Variants in DYNC1H1 observed in about 807,000 individuals in gnomAD.
The protein encoded by DYNC1H1 is cytoplasmic dynein 1 heavy chain 1.
A neutral mutation model predicts 527.1 loss-of-function variants in DYNC1H1; 51 were observed. The observed-to-expected ratio is 0.10, with a 90% CI of 0.08 to 0.12. The LOEUF is 0.12. Among genes scored for constraint, DYNC1H1 ranks in the 10% least tolerant of loss-of-function variants. DYNC1H1 has a pLI of 1.00. For synonymous variants in DYNC1H1, 2,189 were observed against 2,278.8 expected (o/e 0.96, Z 1.12); for missense variants, 2,771 against 5,971.8 (o/e 0.46, Z 17.66).
At chr14:101,974,954 A>C (rs774179822) in intron 1 of DYNC1H1, among the ~76,000 whole-genome samples, 8 of 152,226 alleles carry the variant, frequency 5.3e-5, no homozygotes, top group Non-Finnish European at 8.8e-5. Flanking sequence ...AACCCAGAAC[A>C]GACTCAGATA....
chr14:102,036,514 G>C lies in DYNC1H1; in HGVS notation c.10780G>C (p.Gly3594Arg). 6.2e-7 allele frequency: 1 copy of C among 1,613,844 alleles called. No homozygotes were observed. Among genetic ancestry groups the C allele is most frequent in the Non-Finnish European group, 8.5e-7 (1 of 1,179,956 alleles). The part of the protein sequence containing the change: ...NRYPLIIDPS[G>R]QATEFIMNEY... ...GTATCCGCTGATCATTGACCCCTCT[G>C]GACAGGCCACAGAATTCATTATGAA... Residue 3594 changes from glycine (G) to arginine (R), a missense_variant, in exon 57 of 78, where the codon GGA becomes CGA. Physicochemically the swap from Gly to Arg is moderately radical, Grantham distance 125 (BLOSUM62 -2). Coordinates refer to ENST00000360184, the MANE Select transcript of DYNC1H1 (RefSeq NM_001376.5). The surrounding 1 kb of genome is among the most constrained non-coding windows in gnomAD (Gnocchi z 5.6).
chr14:102,017,828 C>T lies in DYNC1H1; in HGVS notation c.8177+324C>T, dbSNP rs1031493747. On this transcript the variant is annotated intron_variant, in intron 40 of 77. Coordinates refer to ENST00000360184, the MANE Select transcript of DYNC1H1 (RefSeq NM_001376.5). The surrounding 1 kb of genome is among the most constrained non-coding windows in gnomAD (Gnocchi z 4.6). ...GAAAATACAAAAACAAAATTAAGGC[C>T]GGGCGTGGTGGCTTACGCCTGTAAT... 4.8e-5 allele frequency: 18 copies of T among 374,592 alleles called. No individual in the cohort carries two copies. Among genetic ancestry groups the T allele is most frequent in the East Asian group, 3.4e-4 (5 of 14,750 alleles). 23.2% of individuals were successfully genotyped at this position (374,592 alleles called of 1,614,324 possible). A position where few individuals can be genotyped will look rare whatever the true frequency, so the allele number is the denominator to read the frequency against.
rs113210905 is a variant in DYNC1H1 at position 102,004,620 on chromosome 14, G to A, written c.4986G>A (p.Ser1662=). The change falls in exon 24 of 78, where the codon TCG becomes TCA. Residue 1662 remains serine (S), a synonymous_variant. Transcript: ENST00000360184. The part of the protein sequence containing the change: ...KHFKKMFAGV[S]SIILNEDNSV... ...TCAAGAAGATGTTTGCTGGAGTTTC[G>A]AGCATCATCCTGAACGAGGATAACT... The A allele has an allele frequency of 1.6e-5, 26 of 1,614,154 alleles. No homozygotes were observed. The highest frequency in any genetic ancestry group is 1.3e-4 in the African/African-American group (10 of 75,046).
In DYNC1H1 at chr14:102,017,674, A is replaced by G. The variant is rs2048339152; in HGVS notation, c.8177+170A>G. The G allele has an allele frequency of 7.5e-7, 1 of 1,330,032 alleles. No individual in the cohort carries two copies. The highest frequency in any genetic ancestry group is 1.3e-5 in the South Asian group (1 of 79,514). The allele number at this position is 1,330,032 out of a possible 1,614,324, so 82.4% of individuals were successfully genotyped here. ...GTAATGCCAGGAAAACATGTTAAAA[A>G]TAAAAGCATTGGCCGGGCGCAGTGG... On this transcript the variant is annotated intron_variant, in intron 40 of 77. Coordinates refer to ENST00000360184, the MANE Select transcript of DYNC1H1 (RefSeq NM_001376.5). This position sits in a 1 kb window ranked among gnomAD's most constrained non-coding sequence, Gnocchi z 4.6.
chr14:102,018,886 G>T lies in DYNC1H1; in HGVS notation c.8343+270G>T, dbSNP rs1175215846. On this transcript the variant is annotated intron_variant, in intron 41 of 77. Transcript: ENST00000360184. This position sits in a 1 kb window ranked among gnomAD's most constrained non-coding sequence, Gnocchi z 5.2. The stretch of plus-strand genomic sequence containing the variant: ...AGAGTTGCTTGAACCTGGAGGCAGA[G>T]CTTACGATGAGCCATGATTGTGCCA... Among the ~76,000 whole-genome samples, 1 of 152,168 alleles carries T rather than the reference G, an allele frequency of 6.6e-6. No individual in the cohort carries two copies. Among genetic ancestry groups the T allele is most frequent in the Non-Finnish European group, 1.5e-5 (1 of 68,040 alleles).
rs1045873672 is a variant in DYNC1H1 at position 102,002,174 on chromosome 14, G to A, written c.4543-363G>A. 2.0e-5 allele frequency among the ~76,000 whole-genome samples: 3 copies of A among 150,870 alleles called. No individual in the cohort carries two copies. Among genetic ancestry groups the A allele is most frequent in the Admixed American group, 1.3e-4 (2 of 15,136 alleles). Reference sequence around the variant, plus strand: ...CACCCAGGCTGGAGTGCAATGGCACGATCTCGGCTCACTGCAACCTCTGCC... The same window carrying A: ...CACCCAGGCTGGAGTGCAATGGCACAATCTCGGCTCACTGCAACCTCTGCC... On this transcript the variant is annotated intron_variant, in intron 21 of 77. Transcript: ENST00000360184. The surrounding 1 kb of genome is among the most constrained non-coding windows in gnomAD (Gnocchi z 4.4).
At chr14:101,988,498 G>T (rs1169850398) in intron 9 of DYNC1H1, among the ~76,000 whole-genome samples, 1 of 152,192 alleles carries the variant, frequency 6.6e-6, no homozygotes, top group African/African-American at 2.4e-5. Flanking sequence ...TGGTGATTCA[G>T]TATCCAAAGA....
chr14:101,983,636 G>A lies in DYNC1H1; in HGVS notation c.1461+27G>A, dbSNP rs2047893236. 1.2e-6 allele frequency: 2 copies of A among 1,604,198 alleles called. No individual in the cohort carries two copies. The highest frequency in any genetic ancestry group is 1.7e-6 in the Non-Finnish European group (2 of 1,174,270). On this transcript the variant is annotated intron_variant, in intron 7 of 77. Transcript: ENST00000360184. The surrounding 1 kb of genome is among the most constrained non-coding windows in gnomAD (Gnocchi z 5.3). ...TAAGATTTGCATTCTAAAAGTTTGT[G>A]TTTTGTTTTTGTTTTTGTTTTGTTT...
rs760957660 is a variant in DYNC1H1, at chr14:102,036,566, G to A, written c.10832G>A (p.Arg3611Gln). The A allele has an allele frequency of 3.1e-6, 5 of 1,614,014 alleles. No individual in the cohort carries two copies. The highest frequency in any genetic ancestry group is 4.2e-6 in the Non-Finnish European group (5 of 1,180,018). Residue 3611 changes from arginine (R) to glutamine (Q), a missense_variant, in exon 57 of 78, where the codon CGG (arginine) becomes CAG (glutamine). Physicochemically the swap from Arg to Gln is conservative, Grantham distance 43 (BLOSUM62 1). Coordinates refer to ENST00000360184, the MANE Select transcript of DYNC1H1 (RefSeq NM_001376.5). This position sits in a 1 kb window ranked among gnomAD's most constrained non-coding sequence, Gnocchi z 5.6. ...MNEYKDRKITRTSFLDDAFRK... is the reference protein window; with the variant it reads ...MNEYKDRKITQTSFLDDAFRK... ...GAATATAAGGATCGTAAGATCACAC[G>A]GACCAGCTTCCTGGATGACGCCTTC...
At position 102,010,135 on chromosome 14, in the gene DYNC1H1, T is replaced by C. The variant is rs772826438; in HGVS notation, c.6221+49T>C. ...AATCATGTTTCTTGCATATGTTAAA[T>C]GTGTCCATTTAACCTTAAAATTTTT... On this transcript the variant is annotated intron_variant, in intron 30 of 77. Transcript: ENST00000360184. This position sits in a 1 kb window ranked among gnomAD's most constrained non-coding sequence, Gnocchi z 6.0. 6.2e-7 allele frequency: 1 copy of C among 1,613,304 alleles called. No homozygotes were observed. Among genetic ancestry groups the C allele is most frequent in the South Asian group, 1.1e-5 (1 of 90,968 alleles).
chr14:102,042,780 C>T lies in DYNC1H1; in HGVS notation c.12513+32C>T, dbSNP rs17512853. On this transcript the variant is annotated intron_variant, in intron 69 of 77. Transcript: ENST00000360184. This position sits in a 1 kb window ranked among gnomAD's most constrained non-coding sequence, Gnocchi z 5.7. Reference sequence around the variant, plus strand: ...ACCTTGTCCTCCTGGTATGCTTTCCCCATAGAAGCTAAAGCCCAGTCCCAT... The same window carrying T: ...ACCTTGTCCTCCTGGTATGCTTTCCTCATAGAAGCTAAAGCCCAGTCCCAT... 6.2e-6 allele frequency: 10 copies of T among 1,610,596 alleles called. No individual in the cohort carries two copies. The highest frequency in any genetic ancestry group is 2.2e-5 in the South Asian group (2 of 90,596).
At position 102,018,459 on chromosome 14, in the gene DYNC1H1, G is replaced by A. The variant is rs1000550855; in HGVS notation, c.8186G>A (p.Arg2729His). 5 of 1,613,382 alleles carry A rather than the reference G, an allele frequency of 3.1e-6. No individual in the cohort carries two copies. The highest frequency in any genetic ancestry group is 1.3e-5 in the African/African-American group (1 of 74,930). ...GRKPLSHRFL[R>H]HVPVVYVDYP... The stretch of plus-strand genomic sequence containing the variant: ...GGGCTATCTGTGCACAGGTTCCTGC[G>A]CCACGTGCCTGTCGTGTATGTGGAT... Residue 2729 changes from arginine (R) to histidine (H), a missense_variant, in exon 41 of 78, where the codon CGC (arginine) becomes CAC (histidine). Arg to His is a conservative substitution (Grantham distance 29). Transcript: ENST00000360184. The surrounding 1 kb of genome is among the most constrained non-coding windows in gnomAD (Gnocchi z 5.2).
At chr14:101,977,389 T>G (rs1378987479) in intron 2 of DYNC1H1, among the ~76,000 whole-genome samples, 1 of 152,226 alleles carries the variant, frequency 6.6e-6, no homozygotes, top group East Asian at 1.9e-4. Context: ...TGTTAATGTT[T>G]GCCACTTTTG....
In DYNC1H1 at chr14:102,030,100, T is replaced by C. The variant is rs543077387; in HGVS notation, c.9763-62T>C. 5.0e-6 allele frequency: 8 copies of C among 1,612,878 alleles called. No homozygotes were observed. In the East Asian group the frequency reaches 1.8e-4, roughly 36 times the overall value. On this transcript the variant is annotated intron_variant, in intron 50 of 77. Transcript: ENST00000360184. The stretch of plus-strand genomic sequence containing the variant: ...TGTTGGCAGAGTGAAGAATGTTGTT[T>C]AGAATTTAGTCAGCAAATTAACCAA...
At chr14:102,032,164 C>A in intron 51 of DYNC1H1, 108 bp from the exon 52 acceptor site, 1 of 1,355,276 alleles carries the variant, frequency 7.4e-7, no homozygotes. Context: ...GCTAGCTGTC[C>A]TTTCTCTCAT....
In DYNC1H1 at chr14:102,001,004, C is replaced by T. The variant is rs755008615; in HGVS notation, c.4125C>T (p.Ala1375=). The T allele has an allele frequency of 8.7e-6, 14 of 1,614,078 alleles. No individual in the cohort carries two copies. In the Admixed American group the frequency reaches 1.2e-4, roughly 13 times the overall value. The change falls in exon 19 of 78, where the codon GCC becomes GCT. Residue 1375 remains alanine (A), a synonymous_variant. Coordinates refer to ENST00000360184, the MANE Select transcript of DYNC1H1 (RefSeq NM_001376.5). This position sits in a 1 kb window ranked among gnomAD's most constrained non-coding sequence, Gnocchi z 5.0. The part of the protein sequence containing the change: ...ALLNQLKSFP[A]RLRQYASYEF... ...TGAACCAGCTGAAAAGCTTCCCTGCCCGGTTGCGACAGTATGCGTCCTATG... is the reference window on the plus strand; with the variant it reads ...TGAACCAGCTGAAAAGCTTCCCTGCTCGGTTGCGACAGTATGCGTCCTATG...
intron 16 of DYNC1H1, among the ~76,000 whole-genome samples, chr14:101,999,655 G>A (rs2048107871): frequency 6.6e-6 from 1 of 152,188 alleles, no homozygotes; most frequent in Non-Finnish European, 1.5e-5. Flanking sequence ...AGGCCCCGGA[G>A]GTTTGTCCTC....
At position 102,012,188 on chromosome 14, in the gene DYNC1H1, T is replaced by C. The variant is rs777775429; in HGVS notation, c.6857+75T>C. ...GTACTTTGCTCTCACAAGAGCAGAG[T>C]ATACGTTATTTTTCAACCAAAGTCT... is the stretch of plus-strand genomic sequence containing the variant. On this transcript the variant is annotated intron_variant, in intron 33 of 77. Coordinates refer to ENST00000360184, the MANE Select transcript of DYNC1H1 (RefSeq NM_001376.5). This position sits in a 1 kb window ranked among gnomAD's most constrained non-coding sequence, Gnocchi z 4.9. The C allele has an allele frequency of 8.7e-6, 14 of 1,610,666 alleles. No homozygotes were observed. Among genetic ancestry groups the C allele is most frequent in the Non-Finnish European group, 1.2e-5 (14 of 1,177,224 alleles).
rs1177061502 is a variant in DYNC1H1, at chr14:102,051,060, T to TA, written c.*500dup. The TA allele has an allele frequency of 9.0e-6, 2 of 221,872 alleles. No homozygotes were observed. Among genetic ancestry groups the TA allele is most frequent in the African/African-American group, 4.6e-5 (2 of 43,254 alleles). 13.7% of individuals were successfully genotyped at this position (221,872 alleles called of 1,614,324 possible). A position where few individuals can be genotyped will look rare whatever the true frequency, so the allele number is the denominator to read the frequency against. On this transcript the variant is annotated 3_prime_UTR_variant, in exon 78 of 78. Transcript: ENST00000360184. ...CGCAGCACTTTGGGAGTCTGGGAGT[T>TA]AAAGACCAGCCTCGGCAACATAGTG... is the stretch of plus-strand genomic sequence containing the variant.
Sources: allele counts gnomAD v4.1 joint callset (sites outside exome capture counted in the v4.1 genomes callset), GRCh38; gene constraint gnomAD v4.1.1; non-coding constraint Gnocchi (gnomAD v3.1); transcripts MANE v1.5; gene names NCBI Gene and HGNC (gene_info 2026-07-23, HGNC 2026-07-21).